The following AMPH variants were observed in gnomAD, a reference collection of about 807,000 sequenced individuals.
The protein encoded by AMPH is amphiphysin (Stiff-Mann syndrome with breast cancer 128kD autoantigen).
Under a neutral mutation model 99.1 loss-of-function variants are expected in AMPH, and 49 were observed. That is an observed-to-expected ratio of 0.49 (90% CI 0.39 to 0.63). The LOEUF is 0.63. AMPH is among the 20% of genes least tolerant of loss of function. The pLI, the probability that AMPH is intolerant of heterozygous loss-of-function variation, is 0.00. For missense variants in AMPH, 759 were observed against 863.4 expected (o/e 0.88, Z 1.52); for synonymous variants, 314 against 317.3 (o/e 0.99, Z 0.11).
rs531633839 is a variant in AMPH, at chr7:38,534,096, C to A, written c.150+835G>T. On this transcript the variant is annotated intron_variant, in intron 2 of 20. Transcript: ENST00000356264. ...TTAAGACTTTTTTTTCTGAATTACA[C>A]CCCCTGTAAAATTTTAATACCGTAA... 1.2e-4 allele frequency among the ~76,000 whole-genome samples: 19 copies of A among 152,036 alleles called. No homozygotes were observed. The South Asian group carries it at 4.0e-3, about 32-fold the overall frequency.
chr7:38,447,524 A>G lies in AMPH; in HGVS notation c.1018-11136T>C, dbSNP rs528203102. 1.2e-3 allele frequency among the ~76,000 whole-genome samples: 189 copies of G among 152,286 alleles called. 1 individual carries two copies. Among genetic ancestry groups the G allele is most frequent in the African/African-American group, 4.4e-3 (183 of 41,550 alleles). On this transcript the variant is annotated intron_variant, in intron 11 of 20. Transcript: ENST00000356264. ...GTAAAAGAGATTTCAATATATAACT[A>G]TAGCCATAAAACATTTAGTAGTGAT...
intron 13 of AMPH, chr7:38,431,968 T>C: frequency 3.2e-6 from 2 of 617,920 alleles, no homozygotes; most frequent in East Asian, 3.0e-5. Flanking sequence ...TTATTGACCA[T>C]TATTCACCCA....
chr7:38,590,737 G>C (rs928129351), intron 1 of AMPH, among the ~76,000 whole-genome samples: 17 of 152,242 alleles, frequency 1.1e-4, no homozygotes, highest in African/African-American at 4.1e-4. Flanking sequence ...CCCCAGCTAG[G>C]CTTAAGAATT....
At chr7:38,524,605 T>C (rs958162218) in intron 2 of AMPH, among the ~76,000 whole-genome samples, 5 of 150,162 alleles carry the variant, frequency 3.3e-5, no homozygotes, top group African/African-American at 1.2e-4. Context: ...GATGAATAGA[T>C]GGTTGGAGGC....
At chr7:38,599,814 T>G (rs1240342902) in intron 1 of AMPH, among the ~76,000 whole-genome samples, 1 of 151,530 alleles carries the variant, frequency 6.6e-6, no homozygotes, top group Non-Finnish European at 1.5e-5. Flanking sequence ...ATTTATGTAT[T>G]GTAAATATTA....
intron 14 of AMPH, chr7:38,429,334 A>T (rs756961548): frequency 2.9e-5 from 38 of 1,289,128 alleles, no homozygotes; most frequent in Non-Finnish European, 3.8e-5. Flanking sequence ...ACAGTGGGCC[A>T]GTCAGCAGAC....
chr7:38,498,383 A>G (rs145786018), intron 3 of AMPH, among the ~76,000 whole-genome samples: 26 of 152,364 alleles, frequency 1.7e-4, no homozygotes, highest in African/African-American at 6.0e-4. Context: ...TTTTGGAGGC[A>G]ACATAACAAA....
rs531498849 is a variant in AMPH at position 38,540,771 on chromosome 7, G to A, written c.70-5760C>T. 3.6e-5 allele frequency among the ~76,000 whole-genome samples: 5 copies of A among 139,844 alleles called. No homozygotes were observed. In the South Asian group the frequency reaches 1.2e-3, roughly 34 times the overall value. 91.7% of individuals were successfully genotyped at this position (139,844 alleles called of 152,430 possible). A position where few individuals can be genotyped will look rare whatever the true frequency, so the allele number is the denominator to read the frequency against. On this transcript the variant is annotated intron_variant, in intron 1 of 20. Transcript: ENST00000356264. ...CAGTTGACGAGAGGAAAGGCTGCAG[G>A]CCACAAAGCAGTTCAAGGTGAAGGC...
At chr7:38,433,244 C>A (rs556834565) in intron 12 of AMPH, among the ~76,000 whole-genome samples, 1 of 152,322 alleles carries the variant, frequency 6.6e-6, no homozygotes, top group South Asian at 2.1e-4. Flanking sequence ...CCATTCTAAC[C>A]GTTCTGCATG....
intron 2 of AMPH, chr7:38,531,010 TTTCC>T (rs1202638141): frequency 6.6e-6 from 1 of 152,254 alleles, no homozygotes; most frequent in African/African-American, 2.4e-5. Flanking sequence ...TCTTTCTTTC[TTTCC>T]TTCCTTCTTT....
chr7:38,481,202 G>A (rs1045091943), intron 5 of AMPH, among the ~76,000 whole-genome samples: 18 of 151,796 alleles, frequency 1.2e-4, no homozygotes, highest in African/African-American at 4.4e-4. Context: ...GAAACTTGGG[G>A]GGAAAACCCA....
chr7:38,543,944 G>A (rs889383730), intron 1 of AMPH, among the ~76,000 whole-genome samples: 4 of 152,316 alleles, frequency 2.6e-5, no homozygotes, highest in South Asian at 2.1e-4. Flanking sequence ...TGAACATGAT[G>A]TATCAATCAA....
Position 38,462,990 on chromosome 7 carries a change from A to G in AMPH, c.873T>C (p.Pro291=), listed in dbSNP as rs1156795879. 6 of 1,583,922 alleles carry G rather than the reference A, an allele frequency of 3.8e-6. No individual in the cohort carries two copies. The highest frequency in any genetic ancestry group is 8.6e-7 in the Non-Finnish European group (1 of 1,165,600). The change falls in exon 10 of 21, where the codon CCT becomes CCC. Residue 291 remains proline (P), a synonymous_variant. Transcript: ENST00000356264. Reference sequence around the variant, plus strand: ...CTCTTCCTACCTGTGAAGGTGACCGAGGCCGTGCTGGTGCGGGAGACGCAG... The same window carrying G: ...CTCTTCCTACCTGTGAAGGTGACCGGGGCCGTGCTGGTGCGGGAGACGCAG... ...LAPASPAPAR[P]RSPSQTRKGP...
At chr7:38,538,972 A>G (rs1011129034) in intron 1 of AMPH, among the ~76,000 whole-genome samples, 4 of 152,208 alleles carry the variant, frequency 2.6e-5, no homozygotes, top group African/African-American at 9.6e-5. Flanking sequence ...TCACCAGAGT[A>G]TGGTGGTAGT....
At chr7:38,484,538 C>G (rs991049239) in intron 5 of AMPH, among the ~76,000 whole-genome samples, 1 of 151,984 alleles carries the variant, frequency 6.6e-6, no homozygotes, top group Non-Finnish European at 1.5e-5. Flanking sequence ...CATTGCTAGA[C>G]AAACCAAAGC....
intron 17 of AMPH, among the ~76,000 whole-genome samples, chr7:38,396,075 A>G (rs1163999468): frequency 1.3e-5 from 2 of 152,192 alleles, no homozygotes; most frequent in Admixed American, 6.5e-5. Context: ...AGAATCTCCT[A>G]TTACGAGGAT....
At chr7:38,536,455 G>A (rs1562813809) in intron 1 of AMPH, among the ~76,000 whole-genome samples, 1 of 152,130 alleles carries the variant, frequency 6.6e-6, no homozygotes, top group Admixed American at 6.5e-5. Context: ...ATTTCTTCAA[G>A]AGGTCAATTT....
chr7:38,459,881 A>T (rs570199026), intron 11 of AMPH, among the ~76,000 whole-genome samples: 3 of 150,880 alleles, frequency 2.0e-5, no homozygotes, highest in Admixed American at 2.0e-4. Flanking sequence ...CACACAAAGG[A>T]AACAATAAAT....
intron 1 of AMPH, among the ~76,000 whole-genome samples, chr7:38,596,354 C>A (rs918507897): frequency 3.3e-5 from 5 of 152,268 alleles, no homozygotes; most frequent in African/African-American, 1.2e-4. Context: ...CCAGCCTGGG[C>A]ACACACAGGA....
Sources: gnomAD v4.1 joint callset for allele counts (sites outside exome capture counted in the v4.1 genomes callset) on GRCh38, gnomAD v4.1.1 for gene constraint, MANE v1.5 for transcripts, NCBI Gene and HGNC (gene_info 2026-07-23, HGNC 2026-07-21) for gene names.